The following GGACT variants were observed in gnomAD, a reference collection of about 807,000 sequenced individuals.
GGACT encodes gamma-glutamylaminecyclotransferase.
For synonymous variants in GGACT, 118 were observed against 115.3 expected (o/e 1.02, Z -0.15); for missense variants, 241 against 233.2 (o/e 1.03, Z -0.22).
In GGACT at chr13:100,532,405, C is replaced by T. The variant is rs192738451; in HGVS notation, c.187G>A (p.Val63Met). The T allele has an allele frequency of 8.4e-6, 13 of 1,550,158 alleles. 1 individual carries two copies. The highest frequency in any genetic ancestry group is 7.8e-5 in the Admixed American group (4 of 50,986). ...LLHLPGSGRLVEGEVYAVDER... is the reference protein window; with the variant it reads ...LLHLPGSGRLMEGEVYAVDER... ...TCTACCGCGTAGACCTCGCCCTCCA[C>T]GAGGCGCCCCGAGCCGGGCAGGTGC... Residue 63 changes from valine (V) to methionine (M), a missense_variant, in exon 3 of 3, where the codon GTG becomes ATG. Physicochemically the swap from Val to Met is conservative, Grantham distance 21. Transcript: ENST00000683975.
intron 2 of GGACT, among the ~76,000 whole-genome samples, chr13:100,580,812 C>T (rs1875393301): frequency 6.6e-6 from 1 of 152,142 alleles, no homozygotes; most frequent in Admixed American, 6.5e-5. Flanking sequence ...AAACTTTCAC[C>T]TGTTGGCCCA....
intron 1 of GGACT, among the ~76,000 whole-genome samples, chr13:100,584,444 G>T (rs1167249056): frequency 6.6e-6 from 1 of 152,110 alleles, no homozygotes; most frequent in Non-Finnish European, 1.5e-5. Flanking sequence ...AACTGACTGA[G>T]ATAGAGATCA....
rs527987271 is a variant in GGACT at position 100,534,908 on chromosome 13, C to T, written c.-10-2307G>A. ...TCCAGGTGGCTCCTGCCCCGACCAGCGCCTGACCTGGAGGGTGCAGGAGTA... is the reference window on the plus strand; with the variant it reads ...TCCAGGTGGCTCCTGCCCCGACCAGTGCCTGACCTGGAGGGTGCAGGAGTA... On this transcript the variant is annotated intron_variant, in intron 2 of 2. Transcript: ENST00000683975. The surrounding 1 kb of genome is among the most constrained non-coding windows in gnomAD (Gnocchi z 4.9). 2.4e-4 allele frequency among the ~76,000 whole-genome samples: 36 copies of T among 152,364 alleles called. No individual in the cohort carries two copies. Among genetic ancestry groups the T allele is most frequent in the Non-Finnish European group, 4.6e-4 (31 of 68,032 alleles).
At chr13:100,551,697 G>A (rs999515472) in intron 2 of GGACT, among the ~76,000 whole-genome samples, 1 of 152,220 alleles carries the variant, frequency 6.6e-6, no homozygotes, top group Non-Finnish European at 1.5e-5. Flanking sequence ...GCTGAGGAAC[G>A]GGGCACAGCT....
chr13:100,558,182 C>CAAAAAA (rs35098533), intron 2 of GGACT, among the ~76,000 whole-genome samples: 1 of 113,654 alleles, frequency 8.8e-6, no homozygotes. Flanking sequence ...AACTCCATCT[C>CAAAAAA]AAAAAAAAAA....
At position 100,530,237 on chromosome 13, in the gene GGACT, T is replaced by C. The variant is rs974882971; in HGVS notation, c.*1893A>G. ...GCATGATGCTTTCACACACAATTGATTCAAGCATTATACAGGAACACCCCT... is the reference window on the plus strand; with the variant it reads ...GCATGATGCTTTCACACACAATTGACTCAAGCATTATACAGGAACACCCCT... On this transcript the variant is annotated 3_prime_UTR_variant, in exon 3 of 3. Transcript: ENST00000683975. 5 of 1,227,026 alleles carry C rather than the reference T, an allele frequency of 4.1e-6. No homozygotes were observed. In the Admixed American group the frequency reaches 8.7e-5, roughly 21 times the overall value. 76.0% of individuals were successfully genotyped at this position (1,227,026 alleles called of 1,614,324 possible). A position where few individuals can be genotyped will look rare whatever the true frequency, so the allele number is the denominator to read the frequency against.
chr13:100,564,870 G>C lies in GGACT; in HGVS notation c.-11+18955C>G, dbSNP rs148858314. On this transcript the variant is annotated intron_variant, in intron 2 of 2. Transcript: ENST00000683975. ...AACCCAGCAGAAGCCAGGCCTTTAT[G>C]GGGGAGGGAAGCCCAAGGCCCAGGT... Among the ~76,000 whole-genome samples, 1,026 of 152,310 alleles carry C rather than the reference G, an allele frequency of 6.7e-3. 13 individuals carry two copies. Among genetic ancestry groups the C allele is most frequent in the African/African-American group, 0.023 (962 of 41,562 alleles).
intron 2 of GGACT, chr13:100,538,532 C>T (rs2153012682): frequency 6.6e-6 from 1 of 152,288 alleles, no homozygotes; most frequent in East Asian, 1.9e-4. Context: ...AAAAAGGTCT[C>T]CAGAACCTTT....
rs138243862 is a variant in GGACT, at chr13:100,545,491, G to A, written c.-10-12890C>T. 9.6e-4 allele frequency among the ~76,000 whole-genome samples: 146 copies of A among 152,282 alleles called. No homozygotes were observed. The highest frequency in any genetic ancestry group is 1.7e-3 in the Non-Finnish European group (114 of 68,016). On this transcript the variant is annotated intron_variant, in intron 2 of 2. Transcript: ENST00000683975. The surrounding 1 kb of genome is among the most constrained non-coding windows in gnomAD (Gnocchi z 4.4). ...CAGGGCCCCAGGCAGCCAGTGGCCT[G>A]GGCTGCCCTCATACCAGGCTCCAGT...
chr13:100,558,043 G>A (rs1012040714), intron 2 of GGACT, among the ~76,000 whole-genome samples: 1 of 152,088 alleles, frequency 6.6e-6, no homozygotes, highest in African/African-American at 2.4e-5. Context: ...AGCCGGATAT[G>A]GTGGCACATG....
chr13:100,562,795 CAAAAAAAAA>C (rs201672312), intron 2 of GGACT, among the ~76,000 whole-genome samples: 1 of 123,578 alleles, frequency 8.1e-6, no homozygotes, highest in East Asian at 2.7e-4. Flanking sequence ...GACAATGTCT[CAAAAAAAAA>C]AAAAGAAAAA....
chr13:100,552,984 G>A (rs1244780786), intron 2 of GGACT, among the ~76,000 whole-genome samples: 2 of 152,044 alleles, frequency 1.3e-5, no homozygotes, highest in Non-Finnish European at 2.9e-5. Flanking sequence ...CAGGTGGCGG[G>A]TGGCTGGGGA....
intron 2 of GGACT, among the ~76,000 whole-genome samples, chr13:100,566,902 G>A (rs868368270): frequency 1.2e-4 from 18 of 152,334 alleles, no homozygotes; most frequent in Middle Eastern, 3.4e-3. Context: ...ATTGCATGTA[G>A]CTATGTCCTT....
Position 100,553,887 on chromosome 13 carries a change from G to A in GGACT, c.-10-21286C>T, listed in dbSNP as rs1426957469. Among the ~76,000 whole-genome samples the A allele has an allele frequency of 2.0e-5, 3 of 148,798 alleles. No individual in the cohort carries two copies. In the East Asian group the frequency reaches 5.9e-4, roughly 29 times the overall value. ...GTAGTAACAGCCAAAATGAACCTCT[G>A]TGCCAGGGGCCAGGTACACAGTGTG... is the stretch of plus-strand genomic sequence containing the variant. On this transcript the variant is annotated intron_variant, in intron 2 of 2. Coordinates refer to ENST00000683975, the MANE Select transcript of GGACT (RefSeq NM_001195087.2).
chr13:100,573,894 A>AAAAC (rs1555334852), intron 2 of GGACT, among the ~76,000 whole-genome samples: 4 of 150,620 alleles, frequency 2.7e-5, no homozygotes, highest in African/African-American at 7.3e-5. Flanking sequence ...CAAAAAAAAA[A>AAAAC]AAAAAACATG....
chr13:100,541,056 G>A (rs11840505), intron 2 of GGACT, among the ~76,000 whole-genome samples: 3,557 of 152,304 alleles, frequency 0.023, 142 homozygotes, highest in African/African-American at 0.081. Flanking sequence ...CAGATAAAAT[G>A]TAAGGGCTTG....
intron 2 of GGACT, among the ~76,000 whole-genome samples, chr13:100,551,414 A>G (rs116166746): frequency 0.023 from 3,551 of 152,302 alleles, 143 homozygotes; most frequent in African/African-American, 0.08. Flanking sequence ...GCCCGTGGCA[A>G]GGTGAGGAGG....
chr13:100,580,977 A>G (rs1875399454), intron 2 of GGACT, among the ~76,000 whole-genome samples: 1 of 152,226 alleles, frequency 6.6e-6, no homozygotes, highest in Non-Finnish European at 1.5e-5. Flanking sequence ...GCCACAGGCA[A>G]TGGGAGCCAC....
chr13:100,546,896 C>T (rs969885840), intron 2 of GGACT, among the ~76,000 whole-genome samples: 3 of 152,166 alleles, frequency 2.0e-5, no homozygotes, highest in Non-Finnish European at 2.9e-5. Flanking sequence ...CGAGGTCTCG[C>T]CTTCTCTTCC....
Sources: allele counts gnomAD v4.1 joint callset (sites outside exome capture counted in the v4.1 genomes callset), GRCh38; gene constraint gnomAD v4.1.1; non-coding constraint Gnocchi (gnomAD v3.1); transcripts MANE v1.5; gene names NCBI Gene and HGNC (gene_info 2026-07-23, HGNC 2026-07-21).